Variants in IQCM observed in about 807,000 individuals in gnomAD.
The protein encoded by IQCM is IQ domain-containing protein M.
A neutral mutation model predicts 57.6 loss-of-function variants in IQCM; 45 were observed. The ratio of observed to expected loss-of-function variants is 0.78; its 90% confidence interval spans 0.62 to 1.00. The LOEUF (loss-of-function observed/expected upper bound fraction) is 1.00, where lower values mean the gene tolerates loss of function less well. Ranked by LOEUF, IQCM falls within the 50% of genes least tolerant of loss-of-function variation. IQCM has a pLI of 0.00. For synonymous variants in IQCM, 148 were observed against 158.9 expected (o/e 0.93, Z 0.51); for missense variants, 468 against 511.6 (o/e 0.91, Z 0.82).
intron 8 of IQCM, among the ~76,000 whole-genome samples, chr4:149,616,938 T>C (rs2150065275): frequency 6.6e-6 from 1 of 152,052 alleles, no homozygotes; most frequent in African/African-American, 2.4e-5. Flanking sequence ...ACCTACATGT[T>C]CTGCACATAT....
chr4:149,534,543 C>G (rs975205808), intron 12 of IQCM, among the ~76,000 whole-genome samples: 1 of 152,026 alleles, frequency 6.6e-6, no homozygotes, highest in African/African-American at 2.4e-5. Context: ...GATGTTTGGA[C>G]CCTCATCATG....
At chr4:149,601,451 C>A (rs763707900) in intron 8 of IQCM, among the ~76,000 whole-genome samples, 12 of 152,110 alleles carry the variant, frequency 7.9e-5, no homozygotes, top group Non-Finnish European at 1.6e-4. Flanking sequence ...ATGTTCAGTA[C>A]AGATGCAATT....
intron 12 of IQCM, among the ~76,000 whole-genome samples, chr4:149,437,550 T>C (rs1458382076): frequency 6.6e-6 from 1 of 152,008 alleles, no homozygotes; most frequent in Non-Finnish European, 1.5e-5. Flanking sequence ...ATGAGGAGTT[T>C]TCAGAGAACT....
intron 12 of IQCM, among the ~76,000 whole-genome samples, chr4:149,438,965 TA>T (rs1260966149): frequency 3.3e-5 from 5 of 151,948 alleles, no homozygotes; most frequent in Non-Finnish European, 7.4e-5. Flanking sequence ...TGACTAAGAG[TA>T]AATAATAATA....
chr4:149,455,196 C>A (rs2174192), intron 12 of IQCM, among the ~76,000 whole-genome samples: 6 of 151,886 alleles, frequency 4.0e-5, no homozygotes, highest in Non-Finnish European at 8.8e-5. Context: ...TTGCATTTGC[C>A]GCACTGGCAG....
At chr4:149,635,379 G>C (rs1310006452) in intron 7 of IQCM, among the ~76,000 whole-genome samples, 1 of 152,094 alleles carries the variant, frequency 6.6e-6, no homozygotes. Context: ...AGTGTCACTA[G>C]GTCAACATCT....
intron 7 of IQCM, among the ~76,000 whole-genome samples, chr4:149,674,691 T>C (rs914318944): frequency 6.6e-6 from 1 of 152,052 alleles, no homozygotes; most frequent in Non-Finnish European, 1.5e-5. Context: ...ACATGTTAGG[T>C]TGGAAATGCC....
At chr4:149,564,025 A>C in intron 9 of IQCM, 135 bp from the exon 10 acceptor site, 1 of 455,984 alleles carries the variant, frequency 2.2e-6, no homozygotes. Context: ...TCAATGTATG[A>C]TATCACCAGG....
intron 13 of IQCM, among the ~76,000 whole-genome samples, chr4:149,360,092 T>C (rs190705061): frequency 3.9e-5 from 6 of 152,092 alleles, no homozygotes; most frequent in Non-Finnish European, 8.8e-5. Flanking sequence ...TAACACAGTA[T>C]CAGGATCTGC....
intron 12 of IQCM, among the ~76,000 whole-genome samples, chr4:149,510,057 T>C (rs994678857): frequency 6.6e-6 from 1 of 152,190 alleles, no homozygotes; most frequent in African/African-American, 2.4e-5. Flanking sequence ...TCTAATATAT[T>C]GCCAACATGA....
At chr4:149,466,570 A>G (rs1192304657) in intron 12 of IQCM, among the ~76,000 whole-genome samples, 1 of 152,224 alleles carries the variant, frequency 6.6e-6, no homozygotes, top group Non-Finnish European at 1.5e-5. Context: ...AAAAATGCAG[A>G]CAGCCATGAT....
At chr4:149,435,339 G>A (rs960084164) in intron 12 of IQCM, among the ~76,000 whole-genome samples, 2 of 151,928 alleles carry the variant, frequency 1.3e-5, no homozygotes, top group Non-Finnish European at 2.9e-5. Flanking sequence ...ATACAAAACG[G>A]AGCTAAAATG....
chr4:149,657,842 T>A (rs1394663719), intron 7 of IQCM, among the ~76,000 whole-genome samples: 1 of 152,104 alleles, frequency 6.6e-6, no homozygotes, highest in East Asian at 1.9e-4. Flanking sequence ...GCCCATTTGT[T>A]ACTTGGGCTA....
intron 13 of IQCM, among the ~76,000 whole-genome samples, chr4:149,393,846 A>G (rs1477837217): frequency 6.6e-6 from 1 of 152,024 alleles, no homozygotes; most frequent in Non-Finnish European, 1.5e-5. Flanking sequence ...TCTGAAAGAT[A>G]TATTTCTGGA....
At chr4:149,559,134 G>T (rs1288147973) in intron 10 of IQCM, among the ~76,000 whole-genome samples, 2 of 152,010 alleles carry the variant, frequency 1.3e-5, no homozygotes, top group Non-Finnish European at 2.9e-5. Flanking sequence ...CCTATCAACT[G>T]TCCATTTCCC....
At chr4:149,536,401 A>G (rs1322808902) in intron 12 of IQCM, among the ~76,000 whole-genome samples, 1 of 152,018 alleles carries the variant, frequency 6.6e-6, no homozygotes, top group Non-Finnish European at 1.5e-5. Flanking sequence ...GTTACCAGCT[A>G]TCCTGGAAAT....
chr4:149,468,752 G>T (rs951280153), intron 12 of IQCM, among the ~76,000 whole-genome samples: 1 of 152,176 alleles, frequency 6.6e-6, no homozygotes, highest in Non-Finnish European at 1.5e-5. Context: ...ACCTCATACA[G>T]CCAGGTGCCC....
rs570693649 is a variant in IQCM at position 149,359,716 on chromosome 4, A to T, written c.1391-7650T>A. On this transcript the variant is annotated intron_variant, in intron 13 of 13. Coordinates refer to ENST00000636793, the MANE Select transcript of IQCM (RefSeq NM_001363507.2). ...TCTTTTAAATTATCTACAAATTTTTATATTCACAAGTCCATGTTATTATTC... is the reference window on the plus strand; with the variant it reads ...TCTTTTAAATTATCTACAAATTTTTTTATTCACAAGTCCATGTTATTATTC... Among the ~76,000 whole-genome samples, 5 of 152,272 alleles carry T rather than the reference A, an allele frequency of 3.3e-5. No individual in the cohort carries two copies. The South Asian group carries it at 1.0e-3, about 32-fold the overall frequency.
At chr4:149,387,579 C>A (rs1476228984) in intron 13 of IQCM, among the ~76,000 whole-genome samples, 1 of 151,978 alleles carries the variant, frequency 6.6e-6, no homozygotes, top group Non-Finnish European at 1.5e-5. Context: ...TCATTCAAGG[C>A]TTTTGGTTTG....
Sources: allele counts gnomAD v4.1 joint callset (sites outside exome capture counted in the v4.1 genomes callset), GRCh38; gene constraint gnomAD v4.1.1; transcripts MANE v1.5; gene names NCBI Gene and HGNC (gene_info 2026-07-23, HGNC 2026-07-21).